The following RNASEH2B variants were observed in gnomAD, a reference collection of about 807,000 sequenced individuals.
RNASEH2B encodes ribonuclease H2 subunit B, also known as Aicardi-Goutieres syndrome 2 protein.
RNASEH2B carries 36 observed loss-of-function variants against 45.0 expected under a neutral mutation model. The ratio of observed to expected loss-of-function variants is 0.80; its 90% CI spans 0.61 to 1.06. The LOEUF is 1.06. Ranked by LOEUF, RNASEH2B falls within the 50% of genes least tolerant of loss-of-function variation. The pLI is 0.00. For synonymous variants in RNASEH2B, 119 were observed against 125.7 expected, an observed-to-expected ratio of 0.95 and a Z score of 0.35; for missense variants, 361 against 360.3, an observed-to-expected ratio of 1.00 and a Z score of -0.02.
At chr13:50,920,147 C>T (rs1381990502) in intron 1 of RNASEH2B, among the ~76,000 whole-genome samples, 3 of 152,118 alleles carry the variant, frequency 2.0e-5, no homozygotes, top group African/African-American at 4.8e-5. Flanking sequence ...TCTTATCAAG[C>T]GATTCTCATG....
At chr13:50,915,259 C>T (rs1879676139) in intron 1 of RNASEH2B, 1 of 396,452 alleles carries the variant, frequency 2.5e-6, no homozygotes, top group African/African-American at 2.1e-5. Context: ...TATCCAAATT[C>T]TACCCTTTCC....
downstream of RNASEH2B, chr13:50,960,157 A>C: frequency 1.7e-6 from 2 of 1,151,624 alleles, no homozygotes; most frequent in Non-Finnish European, 2.2e-6. Flanking sequence ...AGGTCTACCA[A>C]CTGGTCATTT....
intron 9 of RNASEH2B, chr13:50,952,729 A>G (rs961316729): frequency 3.3e-5 from 5 of 152,164 alleles, no homozygotes; most frequent in African/African-American, 1.2e-4. Flanking sequence ...AAAGTTGCAA[A>G]TATACATTCA....
downstream of RNASEH2B, among the ~76,000 whole-genome samples, chr13:50,961,073 C>G (rs1952107304): frequency 6.6e-6 from 1 of 152,138 alleles, no homozygotes; most frequent in Non-Finnish European, 1.5e-5. Context: ...AGTAATATGT[C>G]TTTCTCAGTA....
At chr13:50,943,472 C>A in intron 6 of RNASEH2B, 78 bp downstream of exon 6, 1 of 984,950 alleles carries the variant, frequency 1.0e-6, no homozygotes, top group Non-Finnish European at 1.6e-6. Context: ...GGCAGTAAGT[C>A]TGAATCCAGA....
chr13:50,960,893 G>C (rs1952106117), downstream of RNASEH2B, among the ~76,000 whole-genome samples: 1 of 152,114 alleles, frequency 6.6e-6, no homozygotes, highest in Admixed American at 6.5e-5. Context: ...AAACTATCTA[G>C]CACTGGAGCC....
At chr13:50,948,241 C>A in intron 8 of RNASEH2B, 173 bp downstream of exon 8, 2 of 1,033,436 alleles carry the variant, frequency 1.9e-6, no homozygotes, top group Non-Finnish European at 2.7e-6. Context: ...TTGGAATGAA[C>A]TGATTTGATG....
chr13:50,948,030 C>A lies in RNASEH2B; in HGVS notation c.660C>A (p.Ile220=). Residue 220 remains isoleucine (I), a synonymous_variant, in exon 8 of 11, where the codon ATC becomes ATA. Coordinates refer to ENST00000336617, the MANE Select transcript of RNASEH2B (RefSeq NM_024570.4). ...CCCATGGTCTGATATCTGACTACAT[C>A]CCTAAAGAATTAAGTGATGACTTAT... ...RYAHGLISDY[I]PKELSDDLSK... The A allele has an allele frequency of 1.2e-5, 20 of 1,611,468 alleles. No homozygotes were observed. Among genetic ancestry groups the A allele is most frequent in the Non-Finnish European group, 1.7e-5 (20 of 1,179,214 alleles).
At chr13:50,958,209 T>C (rs1417469013), downstream of RNASEH2B, among the ~76,000 whole-genome samples, 1 of 152,210 alleles carries the variant, frequency 6.6e-6, no homozygotes, top group Non-Finnish European at 1.5e-5. Flanking sequence ...TCTTCTAGGA[T>C]TTTTATAGCT....
chr13:50,945,367 C>A (rs1463952135), intron 6 of RNASEH2B, 60 bp from the exon 7 acceptor site: 1 of 1,187,088 alleles, frequency 8.4e-7, no homozygotes, highest in Non-Finnish European at 1.3e-6. Context: ...CCTATGAATT[C>A]ATAGATTTCT....
chr13:50,913,071 AG>A (rs1280880944), intron 1 of RNASEH2B: 1 of 152,242 alleles, frequency 6.6e-6, no homozygotes, highest in African/African-American at 2.4e-5. Flanking sequence ...TGAGATATGC[AG>A]ACTTGGGACG....
intron 1 of RNASEH2B, among the ~76,000 whole-genome samples, chr13:50,920,341 C>T (rs527381021): frequency 4.2e-4 from 64 of 152,276 alleles, no homozygotes; most frequent in African/African-American, 1.5e-3. Context: ...AGCCACCGTG[C>T]CTAGCCTGTG....
chr13:50,964,129 G>T (rs1237445121), intron 9 of RNASEH2B, among the ~76,000 whole-genome samples: 2 of 151,650 alleles, frequency 1.3e-5, no homozygotes, highest in East Asian at 3.9e-4. Flanking sequence ...AACCCAGGAG[G>T]TGGAGGTTGC....
At chr13:50,913,262 C>T (rs1285356956) in intron 1 of RNASEH2B, 1 of 152,078 alleles carries the variant, frequency 6.6e-6, no homozygotes, top group Admixed American at 6.5e-5. Context: ...TATAAGTTTC[C>T]ATCCCTCTTT....
At chr13:50,956,070 A>G (rs1485133936) in intron 10 of RNASEH2B, 7 of 334,764 alleles carry the variant, frequency 2.1e-5, no homozygotes, top group African/African-American at 1.5e-4. Flanking sequence ...ATTGTACTTT[A>G]TGCACCCTCC....
chr13:50,913,472 C>G (rs972842169), intron 1 of RNASEH2B, among the ~76,000 whole-genome samples: 1 of 151,142 alleles, frequency 6.6e-6, no homozygotes, highest in African/African-American at 2.4e-5. Context: ...ATTGGGAAAC[C>G]CTAACATTGT....
At chr13:50,956,900 ATTT>A (rs377401674), downstream of RNASEH2B, 137 of 189,250 alleles carry the variant, frequency 7.2e-4, no homozygotes, top group Middle Eastern at 2.6e-3. Context: ...TTTTTGGTAA[ATTT>A]TTTTTTTTTT....
At chr13:50,922,092 T>C (rs1951531435) in intron 1 of RNASEH2B, among the ~76,000 whole-genome samples, 1 of 152,200 alleles carries the variant, frequency 6.6e-6, no homozygotes, top group Admixed American at 6.5e-5. Context: ...TAGTTGTTAT[T>C]TGACCTACCT....
chr13:50,913,653 A>G (rs891730685), intron 1 of RNASEH2B, among the ~76,000 whole-genome samples: 2 of 152,204 alleles, frequency 1.3e-5, no homozygotes, highest in Non-Finnish European at 2.9e-5. Flanking sequence ...GTTTTGCAAT[A>G]AAGTTATCCC....
Sources: gnomAD v4.1 joint callset for allele counts (sites outside exome capture counted in the v4.1 genomes callset) on GRCh38, gnomAD v4.1.1 for gene constraint, MANE v1.5 for transcripts, NCBI Gene and HGNC (gene_info 2026-07-23, HGNC 2026-07-21) for gene names.